NR3C2: variants seen among roughly 807,000 people sequenced by gnomAD.
The protein encoded by NR3C2 is nuclear receptor subfamily 3 group C member 2.
A neutral mutation model predicts 86.4 loss-of-function variants in NR3C2; 15 were observed. The observed-to-expected ratio is 0.17, with a 90% CI of 0.12 to 0.27. The LOEUF (loss-of-function observed/expected upper bound fraction) is 0.27. NR3C2 is among the 10% of genes least tolerant of loss of function. The probability of loss-of-function intolerance (pLI) is 1.00; values close to 1 mark genes in which losing one functional copy is unlikely to be tolerated. For synonymous variants in NR3C2, 458 were observed against 450.5 expected (o/e 1.02, Z -0.21); for missense variants, 960 against 1,195.6 (o/e 0.80, Z 2.91).
At chr4:148,086,018 G>A (rs1275973277) in intron 8 of NR3C2, among the ~76,000 whole-genome samples, 2 of 152,290 alleles carry the variant, frequency 1.3e-5, no homozygotes, top group East Asian at 3.9e-4. Context: ...TCCAGGACTG[G>A]ACGGATTCAC....
chr4:148,169,655 T>C (rs1428706472), intron 4 of NR3C2, among the ~76,000 whole-genome samples: 5 of 152,192 alleles, frequency 3.3e-5, no homozygotes, highest in Admixed American at 2.0e-4. Context: ...GGGATATAAC[T>C]GAGAAATTCA....
intron 7 of NR3C2, among the ~76,000 whole-genome samples, chr4:148,117,580 G>T (rs1382304439): frequency 6.6e-6 from 1 of 152,094 alleles, no homozygotes; most frequent in Non-Finnish European, 1.5e-5. Context: ...AATCTCCCAG[G>T]GTAATTTTAA....
At chr4:148,287,930 C>T (rs1741608522) in intron 2 of NR3C2, among the ~76,000 whole-genome samples, 1 of 152,038 alleles carries the variant, frequency 6.6e-6, no homozygotes, top group Non-Finnish European at 1.5e-5. Flanking sequence ...TTTTTAAAAA[C>T]ACTTATATCA....
intron 6 of NR3C2, among the ~76,000 whole-genome samples, chr4:148,147,791 C>T (rs1054987775): frequency 5.5e-4 from 83 of 152,176 alleles, no homozygotes; most frequent in African/African-American, 1.8e-3. Context: ...AATGGCTCAG[C>T]GAAAGCATAT....
intron 2 of NR3C2, chr4:148,368,396 C>CTACCT (rs1746256381): frequency 6.6e-6 from 1 of 152,150 alleles, no homozygotes. Context: ...AACCGAATTA[C>CTACCT]TACCTCTTCA....
intron 6 of NR3C2, among the ~76,000 whole-genome samples, chr4:148,130,814 GTTTTGTTTTTTTTTTTT>G (rs1434635342): frequency 7.8e-5 from 6 of 77,054 alleles, no homozygotes; most frequent in African/African-American, 2.6e-4. Context: ...GTTTTGTTTT[GTTTTGTTTTTTTTTTTT>G]TTTTTTTTTT....
chr4:148,410,097 T>C (rs1748621733), intron 2 of NR3C2, among the ~76,000 whole-genome samples: 1 of 152,158 alleles, frequency 6.6e-6, no homozygotes, highest in Admixed American at 6.6e-5. Context: ...TAAAAAACAA[T>C]GTTTATTTTT....
intron 2 of NR3C2, among the ~76,000 whole-genome samples, chr4:148,347,527 T>C (rs1250567343): frequency 1.3e-5 from 2 of 152,160 alleles, no homozygotes; most frequent in Admixed American, 1.3e-4. Flanking sequence ...TGTCTAGTAT[T>C]AATTTCCCCA....
At chr4:148,182,925 TC>T (rs1735711059) in intron 4 of NR3C2, among the ~76,000 whole-genome samples, 2 of 152,178 alleles carry the variant, frequency 1.3e-5, no homozygotes, top group African/African-American at 2.4e-5. Context: ...ACCCATCAAC[TC>T]GTCATATACA....
rs72645685 is a variant in NR3C2, at chr4:148,436,094, T to A, written c.767A>T (p.Asn256Ile). 6 of 1,613,980 alleles carry A rather than the reference T, an allele frequency of 3.7e-6. No individual in the cohort carries two copies. In the African/African-American group the frequency reaches 4.0e-5, roughly 11 times the overall value. Residue 256 changes from asparagine to isoleucine, a missense_variant, in exon 2 of 9, where the codon AAT (asparagine) becomes ATT (isoleucine). Transcript: ENST00000358102. Reference sequence around the variant, plus strand: ...CGGACTTGAGAGAGGAGAGCCCACATTGCTAGCATGTGCAGGGCTGTGCGA... The same window carrying A: ...CGGACTTGAGAGAGGAGAGCCCACAATGCTAGCATGTGCAGGGCTGTGCGA... Reference protein sequence around the residue: ...SRSHSPAHASNVGSPLSSPLS... With the variant: ...SRSHSPAHASIVGSPLSSPLS...
At chr4:148,228,746 C>A (rs1259398907) in intron 3 of NR3C2, among the ~76,000 whole-genome samples, 2 of 152,126 alleles carry the variant, frequency 1.3e-5, no homozygotes, top group Non-Finnish European at 1.5e-5. Context: ...AAAAGAACTA[C>A]TGAAATTTGA....
chr4:148,287,953 A>G (rs1038605433), intron 2 of NR3C2, among the ~76,000 whole-genome samples: 1 of 152,204 alleles, frequency 6.6e-6, no homozygotes, highest in Non-Finnish European at 1.5e-5. Flanking sequence ...CTTACCCTCA[A>G]AATGATTCAT....
chr4:148,433,674 T>C (rs996489176), intron 2 of NR3C2, among the ~76,000 whole-genome samples: 1 of 152,138 alleles, frequency 6.6e-6, no homozygotes, highest in African/African-American at 2.4e-5. Context: ...AGAGTTGGGA[T>C]TTCAACCAGT....
intron 4 of NR3C2, among the ~76,000 whole-genome samples, chr4:148,181,160 G>A (rs1165341600): frequency 6.6e-6 from 1 of 152,154 alleles, no homozygotes; most frequent in African/African-American, 2.4e-5. Flanking sequence ...CCAGAATTAG[G>A]AACCAGTTTC....
In NR3C2 at chr4:148,154,763, G is replaced by C. The variant is rs749442977; in HGVS notation, c.2153C>G (p.Ser718Trp). The C allele has an allele frequency of 3.1e-6, 5 of 1,610,394 alleles. No individual in the cohort carries two copies. Among genetic ancestry groups the C allele is most frequent in the African/African-American group, 2.7e-5 (2 of 74,128 alleles). ...TTYIAPAKEPSVNTALVPQLS... is the reference protein window; with the variant it reads ...TTYIAPAKEPWVNTALVPQLS... ...CTGAGGAACCAGTGCTGTGTTGACC[G>C]AGGGTTCTTTTGCAGGAGCGATGTA... Residue 718 changes from serine (S) to tryptophan (W), a missense_variant, in exon 5 of 9, where the codon TCG becomes TGG. By Grantham distance (177) the Ser-to-Trp change is radical. Coordinates refer to ENST00000358102, the MANE Select transcript of NR3C2 (RefSeq NM_000901.5).
Position 148,250,195 on chromosome 4 carries a change from T to C in NR3C2, c.1897+9783A>G, listed in dbSNP as rs139042336. Among the ~76,000 whole-genome samples the C allele has an allele frequency of 3.4e-3, 525 of 152,284 alleles. 3 individuals carry two copies. The highest frequency in any genetic ancestry group is 0.012 in the African/African-American group (492 of 41,546). ...AACAAGTCAAGAAGGGCAGTATATATAGATATTGAGGAATAAGGTTAAAAG... is the reference window on the plus strand; with the variant it reads ...AACAAGTCAAGAAGGGCAGTATATACAGATATTGAGGAATAAGGTTAAAAG... On this transcript the variant is annotated intron_variant, in intron 3 of 8. Transcript: ENST00000358102.
chr4:148,442,877 T>C, upstream of NR3C2: 1 of 985,338 alleles, frequency 1.0e-6, no homozygotes. Flanking sequence ...TCTGGAGAGA[T>C]GTGAAAAGTG....
chr4:148,385,811 A>C (rs917032927), intron 2 of NR3C2, among the ~76,000 whole-genome samples: 4 of 152,112 alleles, frequency 2.6e-5, no homozygotes, highest in African/African-American at 9.7e-5. Flanking sequence ...TACAACCTCG[A>C]AGGTTGACCA....
chr4:148,284,856 T>C (rs1561019138), intron 2 of NR3C2, among the ~76,000 whole-genome samples: 1 of 152,346 alleles, frequency 6.6e-6, no homozygotes, highest in East Asian at 1.9e-4. Flanking sequence ...TTTGCATGTA[T>C]TATTTTACTC....
Sources: allele counts gnomAD v4.1 joint callset (sites outside exome capture counted in the v4.1 genomes callset), GRCh38; gene constraint gnomAD v4.1.1; transcripts MANE v1.5; gene names NCBI Gene and HGNC (gene_info 2026-07-23, HGNC 2026-07-21).